The following MICOS10 variants were observed in gnomAD, a reference collection of about 807,000 sequenced individuals.
MICOS10 encodes the protein MICOS complex subunit MIC10.
Under a neutral mutation model 13.4 loss-of-function variants are expected in MICOS10, and 5 were observed. The observed-to-expected ratio is 0.37, with a 90% CI of 0.20 to 0.78. The LOEUF (loss-of-function observed/expected upper bound fraction) is 0.78, where lower values mean the gene tolerates loss of function less well. MICOS10 is among the 30% of genes least tolerant of loss of function. The pLI is 0.47. For missense variants in MICOS10, 101 were observed against 94.6 expected, an observed-to-expected ratio of 1.07 and a Z score of -0.28; for synonymous variants, 35 against 33.6, an observed-to-expected ratio of 1.04 and a Z score of -0.15.
intron 1 of MICOS10, among the ~76,000 whole-genome samples, chr1:19,606,223 G>T (rs1254587249): frequency 6.6e-6 from 1 of 152,206 alleles, no homozygotes; most frequent in Admixed American, 6.5e-5. Flanking sequence ...AGGCTCAGGA[G>T]TGGGAGGAGT....
chr1:19,620,750 T>G (rs557521127), intron 1 of MICOS10, among the ~76,000 whole-genome samples: 3 of 152,358 alleles, frequency 2.0e-5, no homozygotes, highest in East Asian at 3.9e-4. Context: ...GAAGCATTGC[T>G]CATCTTTTTG....
intron 1 of MICOS10, among the ~76,000 whole-genome samples, chr1:19,615,822 C>T (rs944645338): frequency 3.3e-5 from 5 of 152,150 alleles, no homozygotes; most frequent in East Asian, 3.9e-4. Flanking sequence ...AAATCTTCCC[C>T]GGTGCCTTTT....
At chr1:19,601,227 G>C (rs1290287733) in intron 1 of MICOS10, 2 of 345,780 alleles carry the variant, frequency 5.8e-6, no homozygotes, top group Non-Finnish European at 1.1e-5. Context: ...ATATGATTTT[G>C]TCCTGTAGGA....
chr1:19,600,598 A>G (rs1458691668), intron 1 of MICOS10, among the ~76,000 whole-genome samples: 2 of 152,114 alleles, frequency 1.3e-5, no homozygotes, highest in Non-Finnish European at 2.9e-5. Flanking sequence ...TGATAATTTC[A>G]CTGTGGGTTT....
chr1:19,600,664 C>A, intron 1 of MICOS10: 2 of 339,006 alleles, frequency 5.9e-6, no homozygotes, highest in Non-Finnish European at 1.2e-5. Flanking sequence ...TGCAGTGGTG[C>A]AATCACAGCT....
At chr1:19,621,479 A>G (rs1320978) in intron 1 of MICOS10, among the ~76,000 whole-genome samples, 96,901 of 151,976 alleles carry the variant, frequency 0.64, 32,709 homozygotes, top group African/African-American at 0.87. Flanking sequence ...TGGACATGGC[A>G]GGTACAGTAG....
chr1:19,625,218 A>C (rs1165534166), intron 3 of MICOS10, among the ~76,000 whole-genome samples: 1 of 152,230 alleles, frequency 6.6e-6, no homozygotes, highest in Non-Finnish European at 1.5e-5. Flanking sequence ...GTTATTATAG[A>C]TGAGGCCAGC....
intron 1 of MICOS10, among the ~76,000 whole-genome samples, chr1:19,621,320 A>C: frequency 6.6e-6 from 1 of 152,166 alleles, no homozygotes; most frequent in East Asian, 1.9e-4. Flanking sequence ...AAGACTTGTT[A>C]CTACCCAGGT....
At chr1:19,625,475 C>T in intron 3 of MICOS10, 1 of 1,289,408 alleles carries the variant, frequency 7.8e-7, no homozygotes, top group Non-Finnish European at 1.0e-6. Context: ...TGCACCAAAG[C>T]AAGAGTGAGG....
chr1:19,619,614 C>T (rs903585577), intron 1 of MICOS10, among the ~76,000 whole-genome samples: 48 of 152,102 alleles, frequency 3.2e-4, no homozygotes, highest in African/African-American at 9.2e-4. Flanking sequence ...AGTTCATGGG[C>T]GCAGAGTTTT....
At chr1:19,612,247 G>A (rs549869930) in intron 1 of MICOS10, among the ~76,000 whole-genome samples, 6 of 149,834 alleles carry the variant, frequency 4.0e-5, no homozygotes, top group Admixed American at 6.6e-5. Flanking sequence ...TAGTAGAGAC[G>A]GGGTTTCACC....
At chr1:19,602,802 TA>T (rs1207860214) in intron 1 of MICOS10, among the ~76,000 whole-genome samples, 1 of 152,162 alleles carries the variant, frequency 6.6e-6, no homozygotes, top group African/African-American at 2.4e-5. Context: ...ACACATTTCT[TA>T]TTAGTGAGGC....
intron 3 of MICOS10, among the ~76,000 whole-genome samples, chr1:19,624,915 C>T (rs1463109095): frequency 1.3e-5 from 2 of 152,214 alleles, no homozygotes; most frequent in Non-Finnish European, 2.9e-5. Flanking sequence ...GCACAATTTT[C>T]AGTGAACAAC....
At chr1:19,607,755 C>G (rs2094840884) in intron 1 of MICOS10, among the ~76,000 whole-genome samples, 1 of 152,112 alleles carries the variant, frequency 6.6e-6, no homozygotes, top group South Asian at 2.1e-4. Context: ...TGTAAACAAT[C>G]CAAAATAGTC....
At chr1:19,622,013 A>G (rs728611) in intron 1 of MICOS10, 87 bp from the exon 2 acceptor site, 225,951 of 960,006 alleles carry the variant, frequency 0.24, 32,922 homozygotes, top group African/African-American at 0.65. Flanking sequence ...AAATCTGTTT[A>G]ATGATGTTCA....
In MICOS10 at chr1:19,626,790, T is replaced by G. The variant is rs1479241399; in HGVS notation, c.*389T>G. 4.6e-6 allele frequency: 1 copy of G among 215,396 alleles called. No individual in the cohort carries two copies. Among genetic ancestry groups the G allele is most frequent in the Non-Finnish European group, 9.6e-6 (1 of 104,296 alleles). The allele number at this position is 215,396 out of a possible 1,614,324, so 13.3% of individuals were successfully genotyped here. A position where few individuals can be genotyped will look rare whatever the true frequency, so the allele number is the denominator to read the frequency against. ...CCCATTTGCCCCCTCAGGCGTAGTT[T>G]TCAGAACTGCTTCCACCTCGTAATC... is the stretch of plus-strand genomic sequence containing the variant. On this transcript the variant is annotated 3_prime_UTR_variant, in exon 4 of 4. Transcript: ENST00000322753.
At chr1:19,610,173 T>G (rs1260769098) in intron 1 of MICOS10, among the ~76,000 whole-genome samples, 1 of 152,000 alleles carries the variant, frequency 6.6e-6, no homozygotes, top group Non-Finnish European at 1.5e-5. Context: ...CCCATAATTC[T>G]TAGGTCTTGT....
chr1:19,612,738 G>C (rs1737421), intron 1 of MICOS10, among the ~76,000 whole-genome samples: 16,636 of 152,090 alleles, frequency 0.11, 3,080 homozygotes, highest in African/African-American at 0.38. Flanking sequence ...CAGCTGGGTG[G>C]TGCTTCCTGG....
intron 1 of MICOS10, among the ~76,000 whole-genome samples, chr1:19,605,070 G>A (rs2094829929): frequency 6.6e-6 from 1 of 152,154 alleles, no homozygotes; most frequent in African/African-American, 2.4e-5. Context: ...AGCTCATGGT[G>A]GCAGAATCCC....
Sources: gnomAD v4.1 joint callset for allele counts (sites outside exome capture counted in the v4.1 genomes callset) on GRCh38, gnomAD v4.1.1 for gene constraint, MANE v1.5 for transcripts, NCBI Gene and HGNC (gene_info 2026-07-23, HGNC 2026-07-21) for gene names.